Variants in KCNS2 observed in about 807,000 individuals in gnomAD.
KCNS2 encodes the protein potassium voltage-gated channel modifier subfamily S member 2, also known as delayed-rectifier potassium channel regulatory subunit KCNS2.
In KCNS2, 15 loss-of-function variants were observed where a neutral mutation model predicts 28.3. The ratio of observed to expected loss-of-function variants is 0.53; its 90% CI spans 0.35 to 0.82. KCNS2 has a LOEUF of 0.82. KCNS2 is among the 40% of genes least tolerant of loss of function. The pLI is 0.01. For missense variants in KCNS2, 501 were observed against 617.1 expected (o/e 0.81, Z 1.99); for synonymous variants, 254 against 256.7 (o/e 0.99, Z 0.10).
Position 98,430,815 on chromosome 8 carries a change from A to C in KCNS2, c.*1402A>C, listed in dbSNP as rs1340819189. ...TCATAAAATGTCATAAAAAATTGTA[A>C]ACTTGAAAAGCTTAATGCTATTCAA... On this transcript the variant is annotated 3_prime_UTR_variant, in exon 2 of 2. Transcript: ENST00000287042. 6.0e-6 allele frequency: 1 copy of C among 167,062 alleles called. No individual in the cohort carries two copies. The highest frequency in any genetic ancestry group is 1.5e-5 in the Non-Finnish European group (1 of 68,126). 10.3% of individuals were successfully genotyped at this position (167,062 alleles called of 1,614,324 possible).
chr8:98,428,978 G>A lies in KCNS2; in HGVS notation c.999G>A (p.Leu333=). The part of the protein sequence containing the change: ...KYSYKEVGLL[L]LYLSVGISIF... The stretch of plus-strand genomic sequence containing the variant: ...GCTACAAAGAAGTAGGGCTGCTCTT[G>A]CTCTACCTCTCCGTGGGGATTTCCA... Residue 333 remains leucine, a synonymous_variant, in exon 2 of 2, where the codon TTG becomes TTA. Coordinates refer to ENST00000287042, the MANE Select transcript of KCNS2 (RefSeq NM_020697.4). This position sits in a 1 kb window ranked among gnomAD's most constrained non-coding sequence, Gnocchi z 6.7. 6.2e-7 allele frequency: 1 copy of A among 1,614,148 alleles called. No homozygotes were observed.
chr8:98,427,366 A>T (rs1400879968), intron 1 of KCNS2, 37 bp downstream of exon 1: 3 of 151,874 alleles, frequency 2.0e-5, no homozygotes, highest in African/African-American at 7.3e-5. Flanking sequence ...GAGCCCGGGC[A>T]GCCCCGCTGG....
Position 98,428,519 on chromosome 8 carries a change from C to T in KCNS2, c.540C>T (p.Pro180=), listed in dbSNP as rs780303196. The T allele has an allele frequency of 9.9e-6, 16 of 1,614,028 alleles. No homozygotes were observed. The highest frequency in any genetic ancestry group is 1.3e-5 in the Non-Finnish European group (15 of 1,180,048). ...AGCTGTGGCTGGCGCTGGACAACCC[C>T]GGCTACTCAGTGCTGAGCAGGGTCT... is the stretch of plus-strand genomic sequence containing the variant. ...RRQLWLALDN[P]GYSVLSRVFS... The change falls in exon 2 of 2, where the codon CCC becomes CCT. Residue 180 remains proline (P), a synonymous_variant. Coordinates refer to ENST00000287042, the MANE Select transcript of KCNS2 (RefSeq NM_020697.4). The surrounding 1 kb of genome is among the most constrained non-coding windows in gnomAD (Gnocchi z 6.7).
rs143064200 is a variant in KCNS2 at position 98,429,945 on chromosome 8, G to T, written c.*532G>T. The T allele has an allele frequency of 1.1e-3, 189 of 167,864 alleles. No individual in the cohort carries two copies. Among genetic ancestry groups the T allele is most frequent in the Non-Finnish European group, 1.5e-3 (100 of 68,630 alleles). The allele number at this position is 167,864 out of a possible 1,614,324, so 10.4% of individuals were successfully genotyped here. A position where few individuals can be genotyped will look rare whatever the true frequency, so the allele number is the denominator to read the frequency against. On this transcript the variant is annotated 3_prime_UTR_variant, in exon 2 of 2. Transcript: ENST00000287042. ...CTTAGTTTTAGTACCAAAACAAAGA[G>T]AATGCAAAGTTAAGCAGACTTGACC... is the stretch of plus-strand genomic sequence containing the variant.
intron 1 of KCNS2, 55 bp from the exon 2 acceptor site, chr8:98,427,883 G>T: frequency 9.3e-7 from 1 of 1,079,270 alleles, no homozygotes; most frequent in East Asian, 2.6e-5. Context: ...GTAGGGAGAG[G>T]GGGCCCCGCC....
chr8:98,427,785 G>T (rs1818259473), intron 1 of KCNS2, 153 bp from the exon 2 acceptor site: 2 of 559,694 alleles, frequency 3.6e-6, no homozygotes, highest in Non-Finnish European at 6.3e-6. Context: ...GCCTTTCCTG[G>T]GAGGGGATCA....
rs888962828 is a variant in KCNS2, at chr8:98,432,552, T to C, written c.*3139T>C. ...TGATTTGTAGCTCGTAAGGTAGTAA[T>C]TGGTATTTAACATTTGCATTTGTTA... On this transcript the variant is annotated 3_prime_UTR_variant, in exon 2 of 2. Transcript: ENST00000287042. 6.0e-5 allele frequency: 10 copies of C among 167,104 alleles called. No individual in the cohort carries two copies. The highest frequency in any genetic ancestry group is 2.4e-4 in the African/African-American group (10 of 41,466). The allele number at this position is 167,104 out of a possible 1,614,324, so 10.4% of individuals were successfully genotyped here.
rs921745754 is a variant in KCNS2, at chr8:98,429,897, C to G, written c.*484C>G. ...TCACAGTCATGTGAAAACAAAATCT[C>G]AGCTCTTTATCCATTGCTTTCACTT... On this transcript the variant is annotated 3_prime_UTR_variant, in exon 2 of 2. Transcript: ENST00000287042. The G allele has an allele frequency of 1.8e-5, 3 of 168,406 alleles. No homozygotes were observed. Among genetic ancestry groups the G allele is most frequent in the African/African-American group, 7.2e-5 (3 of 41,484 alleles). 10.4% of individuals were successfully genotyped at this position (168,406 alleles called of 1,614,324 possible). A position where few individuals can be genotyped will look rare whatever the true frequency, so the allele number is the denominator to read the frequency against.
intron 1 of KCNS2, chr8:98,427,548 A>C (rs1818254847): frequency 6.9e-6 from 1 of 144,336 alleles, no homozygotes. Context: ...CACCCCACCA[A>C]AGCTACGCGC....
Position 98,428,816 on chromosome 8 carries a change from G to T in KCNS2, c.837G>T (p.Leu279=), listed in dbSNP as rs768234102. 2 of 1,614,198 alleles carry T rather than the reference G, an allele frequency of 1.2e-6. No individual in the cohort carries two copies. Among genetic ancestry groups the T allele is most frequent in the South Asian group, 2.2e-5 (2 of 91,070 alleles). The change falls in exon 2 of 2, where the codon CTG becomes CTT. Residue 279 remains leucine (L), a synonymous_variant. Coordinates refer to ENST00000287042, the MANE Select transcript of KCNS2 (RefSeq NM_020697.4). This position sits in a 1 kb window ranked among gnomAD's most constrained non-coding sequence, Gnocchi z 6.7. The stretch of plus-strand genomic sequence containing the variant: ...TTTACATCACTCTGGTGGTGAACCT[G>T]GTGGTGGAGAGCACACCTACTTTAG... ...VPFYITLVVN[L]VVESTPTLAN...
rs1818320422 is a variant in KCNS2 at position 98,431,185 on chromosome 8, C to T, written c.*1772C>T. On this transcript the variant is annotated 3_prime_UTR_variant, in exon 2 of 2. Transcript: ENST00000287042. ...ATTGGAGGTGTGGCAAGGATCTTAT[C>T]AGAAGGCTTTGTGTTCTTGTAGTTG... The T allele has an allele frequency of 6.0e-6, 1 of 167,198 alleles. No individual in the cohort carries two copies. Among genetic ancestry groups the T allele is most frequent in the South Asian group, 2.1e-4 (1 of 4,826 alleles). The allele number at this position is 167,198 out of a possible 1,614,324, so 10.4% of individuals were successfully genotyped here. A position where few individuals can be genotyped will look rare whatever the true frequency, so the allele number is the denominator to read the frequency against.
chr8:98,429,993 T>C lies in KCNS2; in HGVS notation c.*580T>C, dbSNP rs1004976019. On this transcript the variant is annotated 3_prime_UTR_variant, in exon 2 of 2. Transcript: ENST00000287042. The stretch of plus-strand genomic sequence containing the variant: ...ACCAATGCAAGTCTCTAAGTTGTTT[T>C]TATAAATGATCTGTAGTTCCGTGGC... 1 of 167,290 alleles carries C rather than the reference T, an allele frequency of 6.0e-6. No individual in the cohort carries two copies. The highest frequency in any genetic ancestry group is 6.5e-5 in the Admixed American group (1 of 15,312). The allele number at this position is 167,290 out of a possible 1,614,324, so 10.4% of individuals were successfully genotyped here. A position where few individuals can be genotyped will look rare whatever the true frequency, so the allele number is the denominator to read the frequency against.
rs1170155388 is a variant in KCNS2 at position 98,428,619 on chromosome 8, A to G, written c.640A>G (p.Ile214Val). The G allele has an allele frequency of 5.0e-6, 8 of 1,613,902 alleles. No homozygotes were observed. The highest frequency in any genetic ancestry group is 6.8e-6 in the Non-Finnish European group (8 of 1,179,992). ...CCTCAATAGCCTGCCCGATTTCCAA[A>G]TCCCTGACAGCCAGGGCAACCCTGG... ...MCLNSLPDFQ[I>V]PDSQGNPGED... Residue 214 changes from isoleucine (I) to valine (V), a missense_variant, in exon 2 of 2, where the codon ATC (isoleucine) becomes GTC (valine). Physicochemically the swap from Ile to Val is conservative, Grantham distance 29 (BLOSUM62 3). Coordinates refer to ENST00000287042, the MANE Select transcript of KCNS2 (RefSeq NM_020697.4). The surrounding 1 kb of genome is among the most constrained non-coding windows in gnomAD (Gnocchi z 6.7).
intron 1 of KCNS2, 184 bp downstream of exon 1, chr8:98,427,513 T>C (rs1254491371): frequency 7.0e-6 from 1 of 143,508 alleles, no homozygotes; most frequent in Non-Finnish European, 1.5e-5. Flanking sequence ...GCGGCCCGGG[T>C]TTCCAGACTC....
At position 98,431,870 on chromosome 8, in the gene KCNS2, A is replaced by T. The variant is rs1371725079; in HGVS notation, c.*2457A>T. Reference sequence around the variant, plus strand: ...GTACATACATATATACTTATATAAAATATTATCTTGCCCAACTGGACCTTT... The same window carrying T: ...GTACATACATATATACTTATATAAATTATTATCTTGCCCAACTGGACCTTT... On this transcript the variant is annotated 3_prime_UTR_variant, in exon 2 of 2. Coordinates refer to ENST00000287042, the MANE Select transcript of KCNS2 (RefSeq NM_020697.4). 6.0e-6 allele frequency: 1 copy of T among 167,064 alleles called. No homozygotes were observed. Among genetic ancestry groups the T allele is most frequent in the Non-Finnish European group, 1.5e-5 (1 of 68,118 alleles). 10.3% of individuals were successfully genotyped at this position (167,064 alleles called of 1,614,324 possible).
rs1362786078 is a variant in KCNS2, at chr8:98,428,835, A to G, written c.856A>G (p.Thr286Ala). The part of the protein sequence containing the change: ...VVNLVVESTP[T>A]LANLGRVAQV... ...GAACCTGGTGGTGGAGAGCACACCT[A>G]CTTTAGCCAACTTGGGCAGGGTGGC... The change falls in exon 2 of 2, where the codon ACT becomes GCT. Residue 286 changes from threonine to alanine, a missense_variant. Physicochemically the swap from Thr to Ala is moderately conservative, Grantham distance 58. Coordinates refer to ENST00000287042, the MANE Select transcript of KCNS2 (RefSeq NM_020697.4). The surrounding 1 kb of genome is among the most constrained non-coding windows in gnomAD (Gnocchi z 6.7). 1.9e-6 allele frequency: 3 copies of G among 1,614,042 alleles called. No individual in the cohort carries two copies. The East Asian group carries it at 6.7e-5, about 36-fold the overall frequency.
In KCNS2 at chr8:98,428,084, G is replaced by T; in HGVS notation, c.105G>T (p.Leu35=). The T allele has an allele frequency of 6.2e-7, 1 of 1,613,846 alleles. No individual in the cohort carries two copies. Among genetic ancestry groups the T allele is most frequent in the Non-Finnish European group, 8.5e-7 (1 of 1,179,990 alleles). The change falls in exon 2 of 2, where the codon CTG becomes CTT. Residue 35 remains leucine, a synonymous_variant. Transcript: ENST00000287042. The surrounding 1 kb of genome is among the most constrained non-coding windows in gnomAD (Gnocchi z 6.7). ...GFKRRLRSHT[L]LRFPETRLGR... Reference sequence around the variant, plus strand: ...AGAGGAGGCTGCGCTCGCACACGCTGCTGCGCTTCCCCGAGACGCGCCTGG... The same window carrying T: ...AGAGGAGGCTGCGCTCGCACACGCTTCTGCGCTTCCCCGAGACGCGCCTGG...
At position 98,431,216 on chromosome 8, in the gene KCNS2, G is replaced by A. The variant is rs1219947724; in HGVS notation, c.*1803G>A. 1 of 167,100 alleles carries A rather than the reference G, an allele frequency of 6.0e-6. No individual in the cohort carries two copies. Among genetic ancestry groups the A allele is most frequent in the Non-Finnish European group, 1.5e-5 (1 of 68,128 alleles). 10.4% of individuals were successfully genotyped at this position (167,100 alleles called of 1,614,324 possible). On this transcript the variant is annotated 3_prime_UTR_variant, in exon 2 of 2. Coordinates refer to ENST00000287042, the MANE Select transcript of KCNS2 (RefSeq NM_020697.4). ...GCTTTGTGTTCTTGTAGTTGTCATGGCTACTACAGTGTGGGTGATTTATTG... is the reference window on the plus strand; with the variant it reads ...GCTTTGTGTTCTTGTAGTTGTCATGACTACTACAGTGTGGGTGATTTATTG...
chr8:98,428,279 C>T lies in KCNS2; in HGVS notation c.300C>T (p.Ser100=). 2 of 1,614,164 alleles carry T rather than the reference C, an allele frequency of 1.2e-6. No individual in the cohort carries two copies. Residue 100 remains serine, a synonymous_variant, in exon 2 of 2, where the codon TCC becomes TCT. Transcript: ENST00000287042. This position sits in a 1 kb window ranked among gnomAD's most constrained non-coding sequence, Gnocchi z 6.7. Reference sequence around the variant, plus strand: ...TCATGGCTGAGCTATGTGTCTTCTCCTTCAGCCAGGAGATCGAGTACTGGG... The same window carrying T: ...TCATGGCTGAGCTATGTGTCTTCTCTTTCAGCCAGGAGATCGAGTACTGGG... The part of the protein sequence containing the change: ...LHVMAELCVF[S]FSQEIEYWGI...
Sources: gnomAD v4.1 joint callset for allele counts on GRCh38, gnomAD v4.1.1 for gene constraint, Gnocchi (gnomAD v3.1) non-coding constraint, MANE v1.5 for transcripts, NCBI Gene and HGNC (gene_info 2026-07-23, HGNC 2026-07-21) for gene names.